GPC5: variants seen among roughly 807,000 people sequenced by gnomAD.
GPC5 encodes glypican 5, also known as glypican-5.
A neutral mutation model predicts 53.9 loss-of-function variants in GPC5; 47 were observed. The ratio of observed to expected loss-of-function variants is 0.87; its 90% CI spans 0.69 to 1.11. The LOEUF is 1.11. GPC5 is among the 50% of genes most tolerant of loss of function. The pLI is 0.00. For synonymous variants in GPC5, 286 were observed against 263.3 expected, an observed-to-expected ratio of 1.09 and a Z score of -0.84; for missense variants, 748 against 713.1, an observed-to-expected ratio of 1.05 and a Z score of -0.56.
chr13:92,271,132 G>A (rs1017221379), intron 7 of GPC5, among the ~76,000 whole-genome samples: 12 of 152,218 alleles, frequency 7.9e-5, no homozygotes, highest in Admixed American at 3.3e-4. Flanking sequence ...GAGCTTCACT[G>A]CTGTGAGATA....
chr13:92,720,629 A>G (rs1888481835), intron 7 of GPC5, among the ~76,000 whole-genome samples: 1 of 152,160 alleles, frequency 6.6e-6, no homozygotes, highest in Non-Finnish European at 1.5e-5. Flanking sequence ...AACGTACATA[A>G]ATGCAAATAT....
At chr13:91,999,265 A>G (rs906310776) in intron 6 of GPC5, among the ~76,000 whole-genome samples, 6 of 152,118 alleles carry the variant, frequency 3.9e-5, no homozygotes, top group African/African-American at 1.4e-4. Context: ...GCAGGAAATT[A>G]TCATTTAATC....
intron 5 of GPC5, among the ~76,000 whole-genome samples, chr13:91,880,534 T>G (rs780080787): frequency 6.6e-6 from 1 of 152,202 alleles, no homozygotes; most frequent in African/African-American, 2.4e-5. Context: ...TTTATTTTGA[T>G]TTGTAAAGTT....
intron 5 of GPC5, among the ~76,000 whole-genome samples, chr13:91,882,730 G>A (rs1263744689): frequency 2.0e-5 from 2 of 98,484 alleles, no homozygotes; most frequent in African/African-American, 7.8e-5. Context: ...AGTAGTTAGT[G>A]GTATAGTTCA....
chr13:92,833,432 T>C (rs1386915569), intron 7 of GPC5, among the ~76,000 whole-genome samples: 5 of 152,184 alleles, frequency 3.3e-5, no homozygotes, highest in Non-Finnish European at 5.9e-5. Flanking sequence ...TCTGTTTAAC[T>C]GTGGAATAGA....
intron 7 of GPC5, among the ~76,000 whole-genome samples, chr13:92,700,480 A>G (rs1178270284): frequency 6.6e-6 from 1 of 152,038 alleles, no homozygotes; most frequent in African/African-American, 2.4e-5. Flanking sequence ...TAATCCTGCC[A>G]TTATGAAGCC....
At chr13:92,033,036 CGTGTGTGTGT>C (rs60958496) in intron 6 of GPC5, among the ~76,000 whole-genome samples, 8 of 138,992 alleles carry the variant, frequency 5.8e-5, no homozygotes, top group African/African-American at 1.4e-4. Context: ...TAGTTATTGT[CGTGTGTGTGT>C]GTGTGTGTGT....
At chr13:91,412,515 A>G (rs1262159639) in intron 1 of GPC5, among the ~76,000 whole-genome samples, 1 of 152,236 alleles carries the variant, frequency 6.6e-6, no homozygotes, top group Non-Finnish European at 1.5e-5. Context: ...TTAATCATAA[A>G]TGAACCCTCA....
chr13:92,581,922 T>G (rs1883386449), intron 7 of GPC5, among the ~76,000 whole-genome samples: 1 of 152,142 alleles, frequency 6.6e-6, no homozygotes, highest in Non-Finnish European at 1.5e-5. Flanking sequence ...TTTTCTTAGT[T>G]TTGAGTTCCT....
intron 6 of GPC5, among the ~76,000 whole-genome samples, chr13:91,929,135 A>T (rs2039797188): frequency 6.6e-6 from 1 of 152,062 alleles, no homozygotes; most frequent in South Asian, 2.1e-4. Flanking sequence ...TTTAATATTA[A>T]AGATTTAGTA....
chr13:92,724,128 A>G (rs1888574241), intron 7 of GPC5, among the ~76,000 whole-genome samples: 2 of 151,588 alleles, frequency 1.3e-5, no homozygotes, highest in Admixed American at 6.6e-5. Context: ...AATTATCCTT[A>G]CTGCTTTCAT....
chr13:91,463,890 T>G (rs2139152929), intron 2 of GPC5, among the ~76,000 whole-genome samples: 1 of 152,220 alleles, frequency 6.6e-6, no homozygotes, highest in Admixed American at 6.6e-5. Flanking sequence ...AACACCCATG[T>G]TTCATAAAAG....
chr13:91,701,639 C>A (rs1357835026), intron 3 of GPC5, among the ~76,000 whole-genome samples: 1 of 151,738 alleles, frequency 6.6e-6, no homozygotes, highest in Admixed American at 6.6e-5. Flanking sequence ...TTGATTGTTT[C>A]ATTGGCTGTG....
chr13:92,754,179 A>G (rs1330083664), intron 7 of GPC5, among the ~76,000 whole-genome samples: 1 of 152,216 alleles, frequency 6.6e-6, no homozygotes, highest in Non-Finnish European at 1.5e-5. Flanking sequence ...AATATTCAAC[A>G]TTCTTAAAGA....
At chr13:91,930,947 C>T (rs1415510797) in intron 6 of GPC5, among the ~76,000 whole-genome samples, 15 of 151,998 alleles carry the variant, frequency 9.9e-5, no homozygotes, top group Admixed American at 3.9e-4. Flanking sequence ...CAGTATAAAC[C>T]ATGATTCAGA....
chr13:92,499,093 C>T (rs947257795), intron 7 of GPC5, among the ~76,000 whole-genome samples: 7 of 151,916 alleles, frequency 4.6e-5, no homozygotes, highest in Non-Finnish European at 8.8e-5. Context: ...CTGGAATGTC[C>T]TTAACATAGA....
chr13:92,649,928 G>T (rs1885899378), intron 7 of GPC5, among the ~76,000 whole-genome samples: 1 of 152,006 alleles, frequency 6.6e-6, no homozygotes, highest in South Asian at 2.1e-4. Flanking sequence ...CAAGTCCATT[G>T]TACTCATTTT....
chr13:92,227,114 G>A (rs1293603146), intron 7 of GPC5, among the ~76,000 whole-genome samples: 5 of 152,162 alleles, frequency 3.3e-5, no homozygotes, highest in African/African-American at 1.2e-4. Flanking sequence ...CTGAAACAGA[G>A]GAGGAATCTT....
At position 92,109,061 on chromosome 13, in the gene GPC5, G is replaced by GTTTTTT. The variant is rs35762919; in HGVS notation, c.1402-35751_1402-35746dup. On this transcript the variant is annotated intron_variant, in intron 6 of 7. Transcript: ENST00000377067. ...CTTCTATGTATGTATCAATATGTTG[G>GTTTTTT]TTTTTTTTTTTTTTTTTTTTTTTGA... is the stretch of plus-strand genomic sequence containing the variant. Among the ~76,000 whole-genome samples, 15 of 87,512 alleles carry GTTTTTT rather than the reference G, an allele frequency of 1.7e-4. 1 individual carries two copies. Among genetic ancestry groups the GTTTTTT allele is most frequent in the Admixed American group, 4.6e-4 (3 of 6,524 alleles). The allele number at this position is 87,512 out of a possible 152,430, so 57.4% of individuals were successfully genotyped here.
Sources: gnomAD v4.1 joint callset for allele counts (sites outside exome capture counted in the v4.1 genomes callset) on GRCh38, gnomAD v4.1.1 for gene constraint, MANE v1.5 for transcripts, NCBI Gene and HGNC (gene_info 2026-07-23, HGNC 2026-07-21) for gene names.